Variants in RAPGEF4 observed in about 807,000 individuals in gnomAD.
The protein encoded by RAPGEF4 is Rap guanine nucleotide exchange factor 4, also known as RAP guanine-nucleotide-exchange factor (GEF) 4.
RAPGEF4 carries 66 observed loss-of-function variants against 147.9 expected under a neutral mutation model. The observed-to-expected ratio is 0.45, with a 90% CI of 0.37 to 0.55. RAPGEF4 has a LOEUF of 0.55. Among genes scored for constraint, RAPGEF4 ranks in the 20% least tolerant of loss-of-function variants. The pLI, the probability that RAPGEF4 is intolerant of heterozygous loss-of-function variation, is 0.00. For missense variants in RAPGEF4, 1,071 were observed against 1,257.3 expected, an observed-to-expected ratio of 0.85 and a Z score of 2.24; for synonymous variants, 419 against 442.7, an observed-to-expected ratio of 0.95 and a Z score of 0.67.
rs1215283840 is a variant in RAPGEF4 at position 172,864,492 on chromosome 2, TC to T, written c.444+50072del. On this transcript the variant is annotated intron_variant, in intron 4 of 30. Coordinates refer to ENST00000397081, the MANE Select transcript of RAPGEF4 (RefSeq NM_007023.4). ...AGACCTGAGGAACCTCCAGTGTACG[TC>T]CCCCGATTTAGGTCCCCCTTGTCTT... is the stretch of plus-strand genomic sequence containing the variant. Among the ~76,000 whole-genome samples the T allele has an allele frequency of 2.0e-5, 3 of 152,254 alleles. No individual in the cohort carries two copies. In the East Asian group the frequency reaches 5.8e-4, roughly 29 times the overall value.
At chr2:172,990,713 C>T in intron 14 of RAPGEF4, 97 bp from the exon 15 acceptor site, 1 of 797,512 alleles carries the variant, frequency 1.3e-6, no homozygotes, top group South Asian at 1.7e-5. Flanking sequence ...CAACAATTAG[C>T]ATGACAAGCA....
At position 172,821,861 on chromosome 2, in the gene RAPGEF4, C is replaced by T. The variant is rs1013692034; in HGVS notation, c.444+7436C>T. ...ACTGAGAGCCACTCAGTAGTAGACACGAACAGGGAATGAACGGCAATGAAG... is the reference window on the plus strand; with the variant it reads ...ACTGAGAGCCACTCAGTAGTAGACATGAACAGGGAATGAACGGCAATGAAG... On this transcript the variant is annotated intron_variant, in intron 4 of 30. Transcript: ENST00000397081. 50 of 1,565,992 alleles carry T rather than the reference C, an allele frequency of 3.2e-5. 1 individual carries two copies. The highest frequency in any genetic ancestry group is 7.0e-5 in the Admixed American group (4 of 56,970).
At chr2:172,762,182 A>G (rs1241229613) in intron 1 of RAPGEF4, among the ~76,000 whole-genome samples, 1 of 152,202 alleles carries the variant, frequency 6.6e-6, no homozygotes, top group East Asian at 1.9e-4. Flanking sequence ...ATATTTTAAA[A>G]GCCCCTCAAT....
Position 172,960,884 on chromosome 2 carries a change from G to A in RAPGEF4, c.591+71G>A, listed in dbSNP as rs914998782. The A allele has an allele frequency of 4.4e-5, 56 of 1,272,770 alleles. 1 individual carries two copies. Among genetic ancestry groups the A allele is most frequent in the South Asian group, 1.7e-4 (13 of 76,176 alleles). 78.8% of individuals were successfully genotyped at this position (1,272,770 alleles called of 1,614,324 possible). A position where few individuals can be genotyped will look rare whatever the true frequency, so the allele number is the denominator to read the frequency against. Reference sequence around the variant, plus strand: ...AAGTACCTCTGGAGGTGGTCCATATGTCAGGGGATCACATCAGGAAGCCTC... The same window carrying A: ...AAGTACCTCTGGAGGTGGTCCATATATCAGGGGATCACATCAGGAAGCCTC... On this transcript the variant is annotated intron_variant, in intron 7 of 30. Coordinates refer to ENST00000397081, the MANE Select transcript of RAPGEF4 (RefSeq NM_007023.4).
intron 1 of RAPGEF4, among the ~76,000 whole-genome samples, chr2:172,738,673 C>T (rs186382467): frequency 8.5e-5 from 13 of 152,220 alleles, no homozygotes; most frequent in South Asian, 2.1e-4. Context: ...ACATTTTCAA[C>T]CCTGCACAAA....
intron 12 of RAPGEF4, 64 bp from the exon 13 acceptor site, chr2:172,988,132 A>G: frequency 6.6e-7 from 1 of 1,505,118 alleles, no homozygotes; most frequent in Non-Finnish European, 8.8e-7. Context: ...TGATTTGATA[A>G]GCTGTAATTT....
intron 4 of RAPGEF4, among the ~76,000 whole-genome samples, chr2:172,878,819 T>A (rs1696265000): frequency 6.6e-6 from 1 of 152,194 alleles, no homozygotes; most frequent in Admixed American, 6.5e-5. Context: ...TATGTAAATA[T>A]CACTAGTAGT....
chr2:172,937,492 A>T (rs993272628), intron 6 of RAPGEF4, among the ~76,000 whole-genome samples: 12 of 152,060 alleles, frequency 7.9e-5, no homozygotes, highest in African/African-American at 2.4e-4. Flanking sequence ...GGGTTTGGGG[A>T]AGACCGTATT....
At chr2:173,024,788 A>G (rs1476705678) in intron 23 of RAPGEF4, among the ~76,000 whole-genome samples, 1 of 152,238 alleles carries the variant, frequency 6.6e-6, no homozygotes, top group East Asian at 1.9e-4. Context: ...CTAGTCTATT[A>G]CAAAACACAA....
At chr2:172,926,013 CGGAGGGAGGGAGGGAGGGACGGAGGGAG>C (rs1217825553) in intron 6 of RAPGEF4, among the ~76,000 whole-genome samples, 812 of 65,026 alleles carry the variant, frequency 0.012, 16 homozygotes, top group African/African-American at 0.049. Flanking sequence ...AAAGAAAGGA[CGGAGGGAGGGAGGGAGGGACGGAGGGAG>C]GGAGGGAGGG....
chr2:172,760,967 T>C (rs1007803531), intron 1 of RAPGEF4, among the ~76,000 whole-genome samples: 1 of 151,592 alleles, frequency 6.6e-6, no homozygotes, highest in Non-Finnish European at 1.5e-5. Context: ...TACTGAAAAC[T>C]AAACATAAAG....
intron 17 of RAPGEF4, among the ~76,000 whole-genome samples, chr2:173,004,497 T>TC (rs1248776694): frequency 6.6e-6 from 1 of 152,114 alleles, no homozygotes. Flanking sequence ...TGTATATCCT[T>TC]CCAGTCTTTT....
chr2:172,838,917 A>C (rs1450641088), intron 4 of RAPGEF4, among the ~76,000 whole-genome samples: 1 of 152,120 alleles, frequency 6.6e-6, no homozygotes, highest in African/African-American at 2.4e-5. Context: ...TTTCTTAAGA[A>C]GCACAAATTA....
rs1357897282 is a variant in RAPGEF4 at position 173,001,468 on chromosome 2, C to T, written c.1658+124C>T. ...CAGGCAGAGTTGTGCATTCCACCCT[C>T]ATCACACTGAAATGTGTTTTCCCAC... On this transcript the variant is annotated intron_variant, in intron 17 of 30. Transcript: ENST00000397081. 3 of 1,205,684 alleles carry T rather than the reference C, an allele frequency of 2.5e-6. No individual in the cohort carries two copies. The East Asian group carries it at 7.2e-5, about 29-fold the overall frequency. 74.7% of individuals were successfully genotyped at this position (1,205,684 alleles called of 1,614,324 possible).
chr2:172,945,019 A>G (rs1404575776), intron 6 of RAPGEF4, among the ~76,000 whole-genome samples: 1 of 152,150 alleles, frequency 6.6e-6, no homozygotes, highest in Non-Finnish European at 1.5e-5. Context: ...AGAAAAATAC[A>G]GAAAGGGGAA....
chr2:172,765,399 A>C (rs1696735648), intron 1 of RAPGEF4, among the ~76,000 whole-genome samples: 1 of 152,332 alleles, frequency 6.6e-6, no homozygotes, highest in South Asian at 2.1e-4. Flanking sequence ...AAAAGAATCT[A>C]CCTGTTCCAT....
At chr2:172,768,214 A>G (rs547471981) in intron 1 of RAPGEF4, among the ~76,000 whole-genome samples, 7 of 152,320 alleles carry the variant, frequency 4.6e-5, no homozygotes, top group Non-Finnish European at 7.3e-5. Context: ...CTTGAGAGTT[A>G]TTAAAGTCAA....
chr2:172,850,730 T>C (rs1474314300), intron 4 of RAPGEF4, among the ~76,000 whole-genome samples: 1 of 152,244 alleles, frequency 6.6e-6, no homozygotes, highest in Non-Finnish European at 1.5e-5. Flanking sequence ...AACACTTTTG[T>C]CTGTGTACTT....
At chr2:172,741,895 ACTGCTGGGCTGAAGTGATCTTCCCAC>A (rs1222917757) in intron 1 of RAPGEF4, among the ~76,000 whole-genome samples, 1 of 152,078 alleles carries the variant, frequency 6.6e-6, no homozygotes, top group African/African-American at 2.4e-5. Flanking sequence ...CTGGTCTCAA[ACTGCTGGGCTGAAGTGATCTTCCCAC>A]CTTGGCCTCC....
Sources: allele counts gnomAD v4.1 joint callset (sites outside exome capture counted in the v4.1 genomes callset), GRCh38; gene constraint gnomAD v4.1.1; transcripts MANE v1.5; gene names NCBI Gene and HGNC (gene_info 2026-07-23, HGNC 2026-07-21).